Variants in COL15A1 observed in about 807,000 individuals in gnomAD.
COL15A1 encodes collagen alpha-1(XV) chain.
In COL15A1, 111 loss-of-function variants were observed where a neutral mutation model predicts 165.9. That is an observed-to-expected ratio of 0.67 (90% CI 0.57 to 0.78). COL15A1 has a LOEUF of 0.78. Ranked by LOEUF, COL15A1 falls within the 30% of genes least tolerant of loss-of-function variation. COL15A1 has a pLI of 0.00. For missense variants in COL15A1, 1,745 were observed against 1,789.7 expected (o/e 0.98, Z 0.45); for synonymous variants, 659 against 674.8 (o/e 0.98, Z 0.36).
intron 21 of COL15A1, among the ~76,000 whole-genome samples, chr9:99,037,902 G>A (rs1240720755): frequency 2.0e-5 from 3 of 152,206 alleles, no homozygotes; most frequent in Non-Finnish European, 4.4e-5. Context: ...GGAGCTGACT[G>A]GCAGAGGATA....
rs184933695 is a variant in COL15A1, at chr9:99,026,564, G to A, written c.2043+598G>A. 1.3e-4 allele frequency among the ~76,000 whole-genome samples: 20 copies of A among 152,336 alleles called. No individual in the cohort carries two copies. In the East Asian group the frequency reaches 3.5e-3, roughly 26 times the overall value. On this transcript the variant is annotated intron_variant, in intron 16 of 41. Coordinates refer to ENST00000375001, the MANE Select transcript of COL15A1 (RefSeq NM_001855.5). Reference sequence around the variant, plus strand: ...GATTCGCACAAGCTGCCTCTGTAGTGCATCCCCCAACTCCTCACACGGCCT... The same window carrying A: ...GATTCGCACAAGCTGCCTCTGTAGTACATCCCCCAACTCCTCACACGGCCT...
At chr9:99,050,281 A>ATG (rs1212804431) in intron 30 of COL15A1, among the ~76,000 whole-genome samples, 2 of 152,222 alleles carry the variant, frequency 1.3e-5, no homozygotes, top group Non-Finnish European at 2.9e-5. Flanking sequence ...GTAACTAACT[A>ATG]TGCTGCCCTT....
At chr9:99,002,255 C>T (rs1255780192) in intron 7 of COL15A1, among the ~76,000 whole-genome samples, 1 of 150,606 alleles carries the variant, frequency 6.6e-6, no homozygotes, top group African/African-American at 2.4e-5. Context: ...CCCCTCTCTT[C>T]CTTTGTCCCT....
rs762070018 is a variant in COL15A1, at chr9:99,038,713, C to G, written c.2455C>G (p.Pro819Ala). 2 of 1,610,274 alleles carry G rather than the reference C, an allele frequency of 1.2e-6. No individual in the cohort carries two copies. The highest frequency in any genetic ancestry group is 1.7e-5 in the Admixed American group (1 of 59,974). Residue 819 changes from proline to alanine, a missense_variant, in exon 22 of 42, where the codon CCT (proline) becomes GCT (alanine). Physicochemically the swap from Pro to Ala is conservative, Grantham distance 27 (BLOSUM62 -1). Coordinates refer to ENST00000375001, the MANE Select transcript of COL15A1 (RefSeq NM_001855.5). ...THGFMNFSDI[P>A]ELVGPPGPDG... The stretch of plus-strand genomic sequence containing the variant: ...TGGATTCATGAATTTCTCGGACATT[C>G]CTGAGCTGGTGGGGCCTCCGGTTGG...
intron 41 of COL15A1, among the ~76,000 whole-genome samples, chr9:99,068,920 A>G (rs760001036): frequency 6.6e-6 from 1 of 152,216 alleles, no homozygotes; most frequent in Non-Finnish European, 1.5e-5. Flanking sequence ...CAAATGGGCA[A>G]CATAACCACA....
intron 11 of COL15A1, 43 bp downstream of exon 11, chr9:99,016,162 C>G: frequency 6.5e-7 from 1 of 1,542,200 alleles, no homozygotes; most frequent in Non-Finnish European, 8.7e-7. Context: ...GCAGACCTTA[C>G]AGGGGAGAGA....
At chr9:98,956,814 C>G (rs944027800) in intron 2 of COL15A1, among the ~76,000 whole-genome samples, 3 of 152,234 alleles carry the variant, frequency 2.0e-5, no homozygotes, top group Non-Finnish European at 4.4e-5. Flanking sequence ...GGCTTCACCC[C>G]CAGAACTCAT....
At chr9:98,985,530 C>T (rs764971894) in intron 2 of COL15A1, 35 bp from the exon 3 acceptor site, 2 of 1,581,406 alleles carry the variant, frequency 1.3e-6, no homozygotes, top group African/African-American at 2.7e-5. Flanking sequence ...GTGGAATATA[C>T]CTGTAAAGCG....
At chr9:99,036,031 G>T (rs183736471) in intron 19 of COL15A1, 139 bp from the exon 20 acceptor site, 24 of 679,220 alleles carry the variant, frequency 3.5e-5, no homozygotes, top group Non-Finnish European at 6.0e-5. Context: ...CTCCAGAAGG[G>T]GCATTTTTCG....
At chr9:99,012,447 C>G (rs182471493) in intron 9 of COL15A1, among the ~76,000 whole-genome samples, 9 of 152,240 alleles carry the variant, frequency 5.9e-5, no homozygotes, top group African/African-American at 2.2e-4. Context: ...GATTTTATCT[C>G]AGGAGAAATG....
Position 99,034,586 on chromosome 9 carries a change from T to TAAAAAAAAA in COL15A1, c.2079+22_2079+30dup, listed in dbSNP as rs60290557. ...CCTAATGGCTCAGTTGGTGAAAAGG[T>TAAAAAAAAA]AAAAAAAAAAAAAAAAAAAAAAAAA... On this transcript the variant is annotated splice_region_variant and intron_variant, in intron 17 of 41. Coordinates refer to ENST00000375001, the MANE Select transcript of COL15A1 (RefSeq NM_001855.5). The TAAAAAAAAA allele has an allele frequency of 2.5e-5, 27 of 1,074,750 alleles. No individual in the cohort carries two copies. The highest frequency in any genetic ancestry group is 7.8e-5 in the South Asian group (4 of 50,980). 66.6% of individuals were successfully genotyped at this position (1,074,750 alleles called of 1,614,324 possible). A position where few individuals can be genotyped will look rare whatever the true frequency, so the allele number is the denominator to read the frequency against.
At chr9:99,061,742 T>A (rs1490947667) in intron 36 of COL15A1, among the ~76,000 whole-genome samples, 1 of 152,258 alleles carries the variant, frequency 6.6e-6, no homozygotes, top group African/African-American at 2.4e-5. Context: ...TTTTAATTCA[T>A]TTATTATAAG....
Position 99,059,927 on chromosome 9 carries a change from C to T in COL15A1, c.3376C>T (p.Pro1126Ser), listed in dbSNP as rs1359205014. 4 of 1,613,872 alleles carry T rather than the reference C, an allele frequency of 2.5e-6. No homozygotes were observed. In the Admixed American group the frequency reaches 6.7e-5, roughly 27 times the overall value. ...AGGTCCCCCTGGCCCTCCAGGACAGCCAGGGCTTCCCGGATCCAGAAACCT... is the reference window on the plus strand; with the variant it reads ...AGGTCCCCCTGGCCCTCCAGGACAGTCAGGGCTTCCCGGATCCAGAAACCT... Reference protein sequence around the residue: ...LPGPPGPPGQPGLPGSRNLVT... With the variant: ...LPGPPGPPGQSGLPGSRNLVT... Residue 1126 changes from proline to serine, a missense_variant, in exon 36 of 42, where the codon CCA (proline) becomes TCA (serine). Coordinates refer to ENST00000375001, the MANE Select transcript of COL15A1 (RefSeq NM_001855.5).
chr9:99,022,607 C>T (rs1040303872), intron 13 of COL15A1, among the ~76,000 whole-genome samples: 3 of 152,148 alleles, frequency 2.0e-5, no homozygotes, highest in East Asian at 1.9e-4. Context: ...CTGGTCTCTC[C>T]GCCTCCATGT....
At chr9:99,010,141 C>T (rs1455881955) in intron 9 of COL15A1, among the ~76,000 whole-genome samples, 1 of 152,208 alleles carries the variant, frequency 6.6e-6, no homozygotes, top group African/African-American at 2.4e-5. Context: ...TCTACAGGAT[C>T]TGTAGGTGAG....
At position 98,969,636 on chromosome 9, in the gene COL15A1, A is replaced by T. The variant is rs1459043154; in HGVS notation, c.101-15929A>T. ...GTGCCCAGTGTTGATGCCCCCAGCC[A>T]TAGGGAGGGAGTCAGGGCAATGGGA... is the stretch of plus-strand genomic sequence containing the variant. On this transcript the variant is annotated intron_variant, in intron 2 of 41. Transcript: ENST00000375001. 2.0e-5 allele frequency among the ~76,000 whole-genome samples: 3 copies of T among 152,274 alleles called. No homozygotes were observed. The East Asian group carries it at 5.8e-4, about 29-fold the overall frequency.
chr9:99,016,780 A>G lies in COL15A1; in HGVS notation c.1647+661A>G, dbSNP rs145954955. Among the ~76,000 whole-genome samples the G allele has an allele frequency of 3.4e-3, 520 of 152,296 alleles. 11 individuals are homozygous for G. Among genetic ancestry groups the G allele is most frequent in the Admixed American group, 0.031 (473 of 15,306 alleles). The stretch of plus-strand genomic sequence containing the variant: ...AATGTGAACACATTTTTAAAGGAAA[A>G]TATCTCCTTGGTGATCAGCATTGGC... On this transcript the variant is annotated intron_variant, in intron 11 of 41. Transcript: ENST00000375001.
At chr9:98,966,487 G>A (rs1464436854) in intron 2 of COL15A1, among the ~76,000 whole-genome samples, 3 of 152,200 alleles carry the variant, frequency 2.0e-5, no homozygotes, top group African/African-American at 7.2e-5. Flanking sequence ...GATAGGCCAT[G>A]AGCAGCCTCC....
At chr9:99,045,183 C>T (rs1267925012) in intron 26 of COL15A1, among the ~76,000 whole-genome samples, 2 of 152,164 alleles carry the variant, frequency 1.3e-5, no homozygotes, top group Non-Finnish European at 2.9e-5. Flanking sequence ...AACCCAGACG[C>T]TTGTGGCCTC....
Sources: allele counts gnomAD v4.1 joint callset (sites outside exome capture counted in the v4.1 genomes callset), GRCh38; gene constraint gnomAD v4.1.1; transcripts MANE v1.5; gene names NCBI Gene and HGNC (gene_info 2026-07-23, HGNC 2026-07-21).